NRG3: variants seen among roughly 807,000 people sequenced by gnomAD.
NRG3 encodes the protein pro-neuregulin-3, membrane-bound isoform.
A neutral mutation model predicts 66.9 loss-of-function variants in NRG3; 31 were observed. The ratio of observed to expected loss-of-function variants is 0.46; its 90% CI spans 0.35 to 0.63. NRG3 has a LOEUF of 0.63. Ranked by LOEUF, NRG3 falls within the 20% of genes least tolerant of loss-of-function variation. The pLI is 0.00. For missense variants in NRG3, 910 were observed against 878.9 expected, an observed-to-expected ratio of 1.04 and a Z score of -0.45; for synonymous variants, 393 against 359.4, an observed-to-expected ratio of 1.09 and a Z score of -1.06.
At chr10:82,145,492 T>A (rs2070175083) in intron 1 of NRG3, among the ~76,000 whole-genome samples, 1 of 152,200 alleles carries the variant, frequency 6.6e-6, no homozygotes, top group Admixed American at 6.5e-5. Flanking sequence ...ATAATGTACC[T>A]GACAAGGAGA....
At chr10:82,072,791 G>A (rs1222391907) in intron 1 of NRG3, among the ~76,000 whole-genome samples, 1 of 151,598 alleles carries the variant, frequency 6.6e-6, no homozygotes, top group Non-Finnish European at 1.5e-5. Flanking sequence ...TTAAGAGACA[G>A]GGTCTTGCTC....
At chr10:82,237,123 A>G (rs2076793165) in intron 1 of NRG3, among the ~76,000 whole-genome samples, 1 of 152,246 alleles carries the variant, frequency 6.6e-6, no homozygotes, top group African/African-American at 2.4e-5. Context: ...GCAGTGGTCT[A>G]CAGGCTGTCA....
At chr10:82,715,488 G>C (rs1052829183) in intron 2 of NRG3, among the ~76,000 whole-genome samples, 1 of 152,014 alleles carries the variant, frequency 6.6e-6, no homozygotes, top group Non-Finnish European at 1.5e-5. Context: ...TTCTAGAACG[G>C]TACATTTTAT....
At chr10:82,023,703 A>G (rs1437372364) in intron 1 of NRG3, among the ~76,000 whole-genome samples, 2 of 141,378 alleles carry the variant, frequency 1.4e-5, no homozygotes, top group South Asian at 2.2e-4. Context: ...GATAAATCCC[A>G]TTTGATTATG....
At chr10:82,304,619 G>T (rs1187212272) in intron 1 of NRG3, among the ~76,000 whole-genome samples, 1 of 152,106 alleles carries the variant, frequency 6.6e-6, no homozygotes, top group Non-Finnish European at 1.5e-5. Flanking sequence ...TAGCTCATGT[G>T]GTTGTTGGCA....
intron 2 of NRG3, among the ~76,000 whole-genome samples, chr10:82,469,730 A>G (rs1274999882): frequency 1.3e-5 from 2 of 152,190 alleles, no homozygotes; most frequent in African/African-American, 2.4e-5. Flanking sequence ...CCTGGCCTGC[A>G]TGGGCATGCA....
intron 1 of NRG3, among the ~76,000 whole-genome samples, chr10:82,299,606 T>G (rs2080275441): frequency 6.6e-6 from 1 of 152,074 alleles, no homozygotes; most frequent in Admixed American, 6.6e-5. Flanking sequence ...AATGCTTTAC[T>G]GAAACAAAGT....
At chr10:82,432,935 T>A (rs183558941) in intron 2 of NRG3, among the ~76,000 whole-genome samples, 354 of 152,348 alleles carry the variant, frequency 2.3e-3, no homozygotes, top group Middle Eastern at 0.01. Flanking sequence ...TGTCTTCATG[T>A]GTCTGTATAG....
Position 82,446,425 on chromosome 10 carries a change from T to C in NRG3, c.953+87557T>C, listed in dbSNP as rs571770178. 5.3e-5 allele frequency among the ~76,000 whole-genome samples: 8 copies of C among 152,188 alleles called. No homozygotes were observed. In the East Asian group the frequency reaches 1.4e-3, roughly 26 times the overall value. The stretch of plus-strand genomic sequence containing the variant: ...GATAGACTGGATAAAGAAAATGTGG[T>C]ACATATACACCATGGAATACTACAC... On this transcript the variant is annotated intron_variant, in intron 2 of 8. Transcript: ENST00000372141.
intron 2 of NRG3, among the ~76,000 whole-genome samples, chr10:82,591,719 A>G (rs1371080977): frequency 6.6e-6 from 1 of 152,214 alleles, no homozygotes; most frequent in African/African-American, 2.4e-5. Context: ...CAACTCACAA[A>G]AACCTTCTGA....
At chr10:81,913,977 T>C (rs545554686) in intron 1 of NRG3, among the ~76,000 whole-genome samples, 6 of 152,202 alleles carry the variant, frequency 3.9e-5, no homozygotes, top group Non-Finnish European at 8.8e-5. Flanking sequence ...CCAGAGCTCT[T>C]GTGGCACTTG....
chr10:82,730,835 A>G (rs2057863901), intron 2 of NRG3, among the ~76,000 whole-genome samples: 1 of 152,132 alleles, frequency 6.6e-6, no homozygotes, highest in Non-Finnish European at 1.5e-5. Flanking sequence ...TCCCACCATT[A>G]ATACCTTTTG....
At chr10:81,973,373 A>G (rs1471425047) in intron 1 of NRG3, among the ~76,000 whole-genome samples, 1 of 152,176 alleles carries the variant, frequency 6.6e-6, no homozygotes, top group African/African-American at 2.4e-5. Flanking sequence ...GAACATATGC[A>G]TACATATGGC....
chr10:82,400,392 T>C lies in NRG3; in HGVS notation c.953+41524T>C, dbSNP rs1321554477. ...TGTGCTTCTCAAAATTTTATCTACA[T>C]ACAAATAAACTACTGATCTTGTTAA... On this transcript the variant is annotated intron_variant, in intron 2 of 8. Coordinates refer to ENST00000372141, the MANE Select transcript of NRG3 (RefSeq NM_001010848.4). Among the ~76,000 whole-genome samples, 4 of 152,080 alleles carry C rather than the reference T, an allele frequency of 2.6e-5. No homozygotes were observed. The South Asian group carries it at 8.3e-4, about 31-fold the overall frequency.
intron 2 of NRG3, among the ~76,000 whole-genome samples, chr10:82,484,902 G>A (rs988074808): frequency 2.6e-5 from 4 of 152,162 alleles, no homozygotes; most frequent in Non-Finnish European, 4.4e-5. Context: ...CAAGAGTGAT[G>A]TATGTGATTC....
intron 2 of NRG3, among the ~76,000 whole-genome samples, chr10:82,466,513 T>C (rs891284803): frequency 5.3e-5 from 8 of 152,142 alleles, no homozygotes; most frequent in African/African-American, 1.4e-4. Context: ...TAGGAAAGTA[T>C]AGGCCTTGAA....
chr10:82,355,883 A>G (rs2083748720), intron 1 of NRG3, among the ~76,000 whole-genome samples: 1 of 152,328 alleles, frequency 6.6e-6, no homozygotes. Flanking sequence ...GATCATACCC[A>G]ATATTTTATT....
intron 2 of NRG3, among the ~76,000 whole-genome samples, chr10:82,731,024 T>C (rs559678980): frequency 6.6e-6 from 1 of 152,242 alleles, no homozygotes; most frequent in East Asian, 1.9e-4. Context: ...TGTTTGTTCA[T>C]TTTGGTTTTG....
intron 3 of NRG3, chr10:82,843,301 T>C (rs1263853097): frequency 2.2e-6 from 1 of 449,006 alleles, no homozygotes; most frequent in South Asian, 1.6e-5. Context: ...GGTGTCATTC[T>C]CAAAGGACAA....
Sources: allele counts gnomAD v4.1 joint callset (sites outside exome capture counted in the v4.1 genomes callset), GRCh38; gene constraint gnomAD v4.1.1; transcripts MANE v1.5; gene names NCBI Gene and HGNC (gene_info 2026-07-23, HGNC 2026-07-21).